The following CCDC88C variants were observed in gnomAD, a reference collection of about 807,000 sequenced individuals.
CCDC88C encodes coiled-coil and HOOK domain protein 88C, also known as protein Daple.
A neutral mutation model predicts 198.8 loss-of-function variants in CCDC88C; 131 were observed. That is an observed-to-expected ratio of 0.66 (90% CI 0.57 to 0.76). The LOEUF is 0.76. CCDC88C is among the 30% of genes least tolerant of loss of function. CCDC88C has a pLI of 0.00. For missense variants in CCDC88C, 2,553 were observed against 2,631.6 expected (o/e 0.97, Z 0.65); for synonymous variants, 1,166 against 1,114.7 (o/e 1.05, Z -0.92).
chr14:91,384,461 G>A (rs894825629), intron 3 of CCDC88C: 2 of 524,974 alleles, frequency 3.8e-6, no homozygotes, highest in Admixed American at 1.9e-5. Context: ...TCCTTCTTTG[G>A]GTCATAGTCT....
chr14:91,292,460 A>T (rs1251854266), intron 23 of CCDC88C, among the ~76,000 whole-genome samples: 1 of 152,208 alleles, frequency 6.6e-6, no homozygotes, highest in Non-Finnish European at 1.5e-5. Context: ...ATAGAGGGCC[A>T]ACTTCAGGGT....
chr14:91,361,475 G>C (rs1003453689), intron 3 of CCDC88C, among the ~76,000 whole-genome samples: 1 of 152,186 alleles, frequency 6.6e-6, no homozygotes, highest in Non-Finnish European at 1.5e-5. Flanking sequence ...GAACATAGAA[G>C]ATGGTCTTCT....
At chr14:91,384,336 C>T (rs984100035) in intron 3 of CCDC88C, 10 of 266,920 alleles carry the variant, frequency 3.7e-5, no homozygotes, top group African/African-American at 2.4e-4. Flanking sequence ...AACAAGCAAA[C>T]AAACAACAAA....
chr14:91,396,580 G>A (rs1374837479), intron 3 of CCDC88C, among the ~76,000 whole-genome samples: 1 of 152,174 alleles, frequency 6.6e-6, no homozygotes, highest in Admixed American at 6.5e-5. Flanking sequence ...ACCAAGCACA[G>A]CTCACTCGCG....
Position 91,381,234 on chromosome 14 carries a change from T to G in CCDC88C, c.271-21523A>C, listed in dbSNP as rs1015063172. Among the ~76,000 whole-genome samples the G allele has an allele frequency of 6.6e-6, 1 of 152,100 alleles. No homozygotes were observed. The highest frequency in any genetic ancestry group is 1.9e-4 in the East Asian group (1 of 5,184). On this transcript the variant is annotated intron_variant, in intron 3 of 29. Coordinates refer to ENST00000389857, the MANE Select transcript of CCDC88C (RefSeq NM_001080414.4). The surrounding 1 kb of genome is among the most constrained non-coding windows in gnomAD (Gnocchi z 4.2). Reference sequence around the variant, plus strand: ...GTCTCCTGTCCCCCAGCTTGTCCTCTGAAGGAGACTGTGACCCACCAGACC... The same window carrying G: ...GTCTCCTGTCCCCCAGCTTGTCCTCGGAAGGAGACTGTGACCCACCAGACC...
At chr14:91,277,738 T>C (rs991931983) in intron 29 of CCDC88C, among the ~76,000 whole-genome samples, 184 bp downstream of exon 29, 13 of 152,214 alleles carry the variant, frequency 8.5e-5, no homozygotes, top group Admixed American at 7.9e-4. Flanking sequence ...GCCTCCAGGG[T>C]TGGGGCTGGC....
chr14:91,324,687 C>A, intron 12 of CCDC88C, 92 bp downstream of exon 12: 1 of 1,465,612 alleles, frequency 6.8e-7, no homozygotes, highest in Non-Finnish European at 9.3e-7. Flanking sequence ...AATGGATGGG[C>A]TAACATGGCA....
chr14:91,382,926 C>A (rs1401801578), intron 3 of CCDC88C, among the ~76,000 whole-genome samples: 1 of 152,132 alleles, frequency 6.6e-6, no homozygotes, highest in Non-Finnish European at 1.5e-5. Context: ...TGGGCTGTGA[C>A]CCTCATCCTA....
In CCDC88C at chr14:91,352,251, A is replaced by C. The variant is rs532620120; in HGVS notation, c.340+7391T>G. 2.3e-4 allele frequency among the ~76,000 whole-genome samples: 35 copies of C among 152,212 alleles called. No homozygotes were observed. The highest frequency in any genetic ancestry group is 4.6e-4 in the Non-Finnish European group (31 of 68,034). On this transcript the variant is annotated intron_variant, in intron 4 of 29. Coordinates refer to ENST00000389857, the MANE Select transcript of CCDC88C (RefSeq NM_001080414.4). The surrounding 1 kb of genome is among the most constrained non-coding windows in gnomAD (Gnocchi z 4.2). ...CTGTGTGCCTGGGCCATCGCTAGGA[A>C]GTTTACTAACAAAGTCTGGTCTCCA...
intron 3 of CCDC88C, among the ~76,000 whole-genome samples, chr14:91,368,917 G>A (rs1656665485): frequency 6.6e-6 from 1 of 152,152 alleles, no homozygotes; most frequent in South Asian, 2.1e-4. Context: ...GCCAACCTCA[G>A]GCCCCGTTAC....
intron 3 of CCDC88C, among the ~76,000 whole-genome samples, chr14:91,364,023 C>T (rs930101003): frequency 6.6e-6 from 1 of 152,288 alleles, no homozygotes; most frequent in Non-Finnish European, 1.5e-5. Flanking sequence ...AGTGCAAGCC[C>T]AGTGGTGCTC....
chr14:91,339,181 A>G lies in CCDC88C; in HGVS notation c.809+97T>C. The G allele has an allele frequency of 7.0e-7, 1 of 1,429,882 alleles. No individual in the cohort carries two copies. The highest frequency in any genetic ancestry group is 9.7e-7 in the Non-Finnish European group (1 of 1,034,334). The allele number at this position is 1,429,882 out of a possible 1,614,324, so 88.6% of individuals were successfully genotyped here. On this transcript the variant is annotated intron_variant, in intron 8 of 29. Coordinates refer to ENST00000389857, the MANE Select transcript of CCDC88C (RefSeq NM_001080414.4). The surrounding 1 kb of genome is among the most constrained non-coding windows in gnomAD (Gnocchi z 5.8). ...CAGCTGACTCCGGGGCACACGTCAG[A>G]GCTGTGCCATTGGCAGCACCACACA...
chr14:91,303,937 G>A lies in CCDC88C; in HGVS notation c.3399C>T (p.Thr1133=), dbSNP rs1443492052. Residue 1133 remains threonine (T), a synonymous_variant, in exon 20 of 30, where the codon ACC becomes ACT. Coordinates refer to ENST00000389857, the MANE Select transcript of CCDC88C (RefSeq NM_001080414.4). Reference sequence around the variant, plus strand: ...GGTTCTGCAGCAGCGTGTACTGCGCGGTGAGCGCTGCGCTCTGGGAACTCA... The same window carrying A: ...GGTTCTGCAGCAGCGTGTACTGCGCAGTGAGCGCTGCGCTCTGGGAACTCA... ...STLSSQSAAL[T]AQYTLLQNHH... is the part of the protein sequence containing the mutation. The A allele has an allele frequency of 1.2e-6, 2 of 1,610,402 alleles. No individual in the cohort carries two copies. The highest frequency in any genetic ancestry group is 1.1e-5 in the South Asian group (1 of 91,084).
rs150584956 is a variant in CCDC88C at position 91,341,860 on chromosome 14, G to C, written c.483+520C>G. Among the ~76,000 whole-genome samples the C allele has an allele frequency of 3.0e-3, 460 of 152,158 alleles. 6 individuals carry two copies. The highest frequency in any genetic ancestry group is 0.011 in the African/African-American group (436 of 41,524). The stretch of plus-strand genomic sequence containing the variant: ...CAGTGCAGAGCCCTCCCGGCCCCTC[G>C]CTGGGGGGCCTGAGTTGGGGCTGGG... On this transcript the variant is annotated intron_variant, in intron 6 of 29. Transcript: ENST00000389857.
intron 3 of CCDC88C, among the ~76,000 whole-genome samples, chr14:91,390,466 C>T (rs867387017): frequency 6.6e-6 from 1 of 152,194 alleles, no homozygotes; most frequent in Admixed American, 6.5e-5. Flanking sequence ...ATCTCAGAGG[C>T]GCTCCTGTTC....
In CCDC88C at chr14:91,289,325, T is replaced by C; in HGVS notation, c.4221A>G (p.Gly1407=). ...PPPKKKNHWI[G]AKALVKLIKP... ...TGATGAGTTTGACTAAGGCTTTGGC[T>C]CCAATCCAGTGGTTCTTCCTGGTTA... The change falls in exon 25 of 30, where the codon GGA becomes GGG. Residue 1407 remains glycine, a synonymous_variant. Coordinates refer to ENST00000389857, the MANE Select transcript of CCDC88C (RefSeq NM_001080414.4). The C allele has an allele frequency of 6.2e-7, 1 of 1,613,988 alleles. No homozygotes were observed. The highest frequency in any genetic ancestry group is 8.5e-7 in the Non-Finnish European group (1 of 1,179,866).
At chr14:91,281,202 T>C in intron 27 of CCDC88C, 1 of 883,644 alleles carries the variant, frequency 1.1e-6, no homozygotes, top group Non-Finnish European at 1.7e-6. Context: ...GAAGGGTGCT[T>C]GAAGGCATGA....
At chr14:91,367,839 C>T (rs1894611800) in intron 3 of CCDC88C, among the ~76,000 whole-genome samples, 1 of 152,162 alleles carries the variant, frequency 6.6e-6, no homozygotes, top group Admixed American at 6.5e-5. Flanking sequence ...CACGAGGGTG[C>T]CCTTCCTCCC....
chr14:91,272,864 C>T lies in CCDC88C; in HGVS notation c.5848G>A (p.Val1950Met), dbSNP rs1304342453. ...GCCCGGACAGGGGTGATGGTGGCCA[C>T]CTCCCCTGAGCGTGGGGGCGCCTTG... ...KPKAPPRSGE[V>M]ATITPVRAGL... The change falls in exon 30 of 30, where the codon GTG becomes ATG. Residue 1950 changes from valine to methionine, a missense_variant. Physicochemically the swap from Val to Met is conservative, Grantham distance 21. Around this residue, in one of 2 missense-constraint regions of CCDC88C, gnomAD observed 1,293 missense variants for 1,219.6 expected, o/e 1.06. Coordinates refer to ENST00000389857, the MANE Select transcript of CCDC88C (RefSeq NM_001080414.4). 5 of 1,592,054 alleles carry T rather than the reference C, an allele frequency of 3.1e-6. No homozygotes were observed. Among genetic ancestry groups the T allele is most frequent in the Non-Finnish European group, 4.3e-6 (5 of 1,171,586 alleles).
Sources: allele counts gnomAD v4.1 joint callset (sites outside exome capture counted in the v4.1 genomes callset), GRCh38; gene constraint gnomAD v4.1.1; regional missense constraint gnomAD v4.1.1; non-coding constraint Gnocchi (gnomAD v3.1); transcripts MANE v1.5; gene names NCBI Gene and HGNC (gene_info 2026-07-23, HGNC 2026-07-21).